Variants in TMEM62 observed in about 807,000 individuals in gnomAD.
TMEM62 encodes transmembrane protein 62.
Under a neutral mutation model 70.4 loss-of-function variants are expected in TMEM62, and 41 were observed. The observed-to-expected ratio is 0.58, with a 90% confidence interval of 0.45 to 0.76. The LOEUF is 0.76. Among genes scored for constraint, TMEM62 ranks in the 30% least tolerant of loss-of-function variants. TMEM62 has a pLI of 0.00. For missense variants in TMEM62, 688 were observed against 788.5 expected (o/e 0.87, Z 1.53); for synonymous variants, 268 against 291.0 (o/e 0.92, Z 0.80).
intron 8 of TMEM62, among the ~76,000 whole-genome samples, chr15:43,153,158 A>G (rs952193832): frequency 2.0e-5 from 3 of 152,098 alleles, no homozygotes. Flanking sequence ...TAGAAGTGGG[A>G]TTCTAGGTGA....
intron 12 of TMEM62, among the ~76,000 whole-genome samples, chr15:43,180,248 G>T (rs140344827): frequency 6.6e-6 from 1 of 151,904 alleles, no homozygotes; most frequent in African/African-American, 2.4e-5. Flanking sequence ...TCAGCCTCCC[G>T]ACTAGCTGGC....
At chr15:43,163,271 T>A (rs1281642673) in intron 10 of TMEM62, among the ~76,000 whole-genome samples, 1 of 152,198 alleles carries the variant, frequency 6.6e-6, no homozygotes, top group African/African-American at 2.4e-5. Flanking sequence ...AGGTTTAGTG[T>A]ATATTCTCAC....
chr15:43,163,626 C>G (rs1051443842), intron 10 of TMEM62, among the ~76,000 whole-genome samples: 1 of 151,724 alleles, frequency 6.6e-6, no homozygotes, highest in Non-Finnish European at 1.5e-5. Flanking sequence ...ACTAAAAATA[C>G]AAAAAATTAG....
intron 13 of TMEM62, among the ~76,000 whole-genome samples, chr15:43,182,685 C>G (rs1049045977): frequency 2.6e-5 from 4 of 152,056 alleles, no homozygotes; most frequent in Admixed American, 1.3e-4. Context: ...AACTCCTGAC[C>G]TCAGGTGATC....
In TMEM62 at chr15:43,134,271, C is replaced by T. The variant is rs756091119; in HGVS notation, c.195C>T (p.His65=). ...GTTTTCGGCAGATATCCGACATTCA[C>T]CTGAGCAGGTTTCGAGATCCAGGCA... ...IFWGLQISDI[H]LSRFRDPGRA... is the part of the protein sequence containing the mutation. The change falls in exon 2 of 14, where the codon CAC becomes CAT. Residue 65 remains histidine (H), a synonymous_variant. Coordinates refer to ENST00000260403, the MANE Select transcript of TMEM62 (RefSeq NM_024956.4). The T allele has an allele frequency of 5.6e-6, 9 of 1,614,158 alleles. No homozygotes were observed. Among genetic ancestry groups the T allele is most frequent in the Non-Finnish European group, 7.6e-6 (9 of 1,180,004 alleles).
At chr15:43,134,429 G>A in intron 2 of TMEM62, 61 bp downstream of exon 2, 2 of 1,359,808 alleles carry the variant, frequency 1.5e-6, no homozygotes, top group Non-Finnish European at 2.1e-6. Context: ...ACTCTAGCCA[G>A]GGCTGTGGCT....
chr15:43,184,136 T>C, intron 13 of TMEM62, 124 bp from the exon 14 acceptor site: 1 of 822,026 alleles, frequency 1.2e-6, no homozygotes, highest in Non-Finnish European at 1.9e-6. Context: ...GCAACTGTGC[T>C]TGAAGTAAAT....
chr15:43,145,942 A>G (rs771441383), intron 4 of TMEM62, among the ~76,000 whole-genome samples: 10 of 152,180 alleles, frequency 6.6e-5, no homozygotes, highest in Non-Finnish European at 1.0e-4. Flanking sequence ...AAGGTGGTAA[A>G]CTTTCATTAG....
intron 13 of TMEM62, among the ~76,000 whole-genome samples, chr15:43,182,890 C>G (rs2041489415): frequency 6.6e-6 from 1 of 152,180 alleles, no homozygotes. Context: ...AAATAGTACA[C>G]TAATAATGGA....
intron 13 of TMEM62, among the ~76,000 whole-genome samples, 173 bp downstream of exon 13, chr15:43,181,472 C>G (rs780061174): frequency 3.9e-5 from 6 of 152,226 alleles, no homozygotes; most frequent in African/African-American, 1.4e-4. Context: ...GCTTCCTAAA[C>G]TCCTTCCACC....
chr15:43,166,026 T>G (rs1411094723), intron 10 of TMEM62, among the ~76,000 whole-genome samples: 1 of 152,238 alleles, frequency 6.6e-6, no homozygotes, highest in African/African-American at 2.4e-5. Flanking sequence ...TTCTAATCTT[T>G]GTAGTCTGGG....
intron 8 of TMEM62, among the ~76,000 whole-genome samples, chr15:43,153,882 G>T (rs1388098400): frequency 6.6e-6 from 1 of 151,410 alleles, no homozygotes. Flanking sequence ...TGGATCATAT[G>T]GTAATTATCT....
Position 43,142,677 on chromosome 15 carries a change from G to T in TMEM62, c.477-3816G>T, listed in dbSNP as rs1486000467. ...CAGTAAGGTTTTTTTTTGTTTTTTT[G>T]GTTTTTTTTTTGAGACAGGGTCTCT... is the stretch of plus-strand genomic sequence containing the variant. On this transcript the variant is annotated intron_variant, in intron 4 of 13. Transcript: ENST00000260403. Among the ~76,000 whole-genome samples the T allele has an allele frequency of 3.3e-4, 50 of 150,002 alleles. 1 individual carries two copies. Among genetic ancestry groups the T allele is most frequent in the Non-Finnish European group, 6.4e-4 (43 of 67,298 alleles).
chr15:43,181,144 T>C (rs1397703643), intron 12 of TMEM62, 37 bp from the exon 13 acceptor site: 1 of 1,274,092 alleles, frequency 7.8e-7, no homozygotes, highest in Non-Finnish European at 1.1e-6. Context: ...ATTATAGTTA[T>C]TTAATCTCCT....
At chr15:43,169,782 G>T in intron 11 of TMEM62, 105 bp downstream of exon 11, 1 of 920,296 alleles carries the variant, frequency 1.1e-6, no homozygotes, top group Admixed American at 2.6e-5. Flanking sequence ...GAATGACCAT[G>T]GCCCAGGGAA....
At chr15:43,171,714 G>C (rs992521745) in intron 11 of TMEM62, among the ~76,000 whole-genome samples, 1 of 142,492 alleles carries the variant, frequency 7.0e-6, no homozygotes, top group Non-Finnish European at 1.5e-5. Context: ...TGCAAGCTCT[G>C]CCTCCTGGGT....
chr15:43,134,894 GAGA>G (rs1197775757), intron 2 of TMEM62, among the ~76,000 whole-genome samples: 1 of 152,162 alleles, frequency 6.6e-6, no homozygotes, highest in African/African-American at 2.4e-5. Context: ...CTGTAATGGG[GAGA>G]AGAAGCTAAA....
chr15:43,141,513 C>T (rs1224092388), intron 4 of TMEM62, among the ~76,000 whole-genome samples: 7 of 152,202 alleles, frequency 4.6e-5, no homozygotes, highest in South Asian at 2.1e-4. Context: ...CACCTGGTCA[C>T]GCAAGAGCTC....
At chr15:43,135,826 C>G (rs1407037707) in intron 3 of TMEM62, 177 bp downstream of exon 3, 1 of 635,190 alleles carries the variant, frequency 1.6e-6, no homozygotes, top group Non-Finnish European at 2.4e-6. Flanking sequence ...CATTGTTAGC[C>G]TTTGAGATGA....
Sources: gnomAD v4.1 joint callset for allele counts (sites outside exome capture counted in the v4.1 genomes callset) on GRCh38, gnomAD v4.1.1 for gene constraint, MANE v1.5 for transcripts, NCBI Gene and HGNC (gene_info 2026-07-23, HGNC 2026-07-21) for gene names.